SLC9C1: variants seen among roughly 807,000 people sequenced by gnomAD.
SLC9C1 encodes sodium/hydrogen exchanger 10.
SLC9C1 carries 97 observed loss-of-function variants against 140.9 expected under a neutral mutation model. That is an observed-to-expected ratio of 0.69 (90% confidence interval 0.58 to 0.82). The LOEUF (loss-of-function observed/expected upper bound fraction) is 0.82, where lower values mean the gene tolerates loss of function less well. SLC9C1 is among the 40% of genes least tolerant of loss of function. SLC9C1 has a pLI of 0.00. For missense variants in SLC9C1, 1,340 were observed against 1,389.3 expected, an observed-to-expected ratio of 0.96 and a Z score of 0.56; for synonymous variants, 440 against 442.6, an observed-to-expected ratio of 0.99 and a Z score of 0.07.
chr3:112,211,752 C>T lies in SLC9C1; in HGVS notation c.1791-3379G>A, dbSNP rs1420859549. On this transcript the variant is annotated intron_variant, in intron 15 of 28. Transcript: ENST00000305815. ...GCCCACTGCAGCTCAAGGAGGCCTG[C>T]CTTCCTCTGTAGACTCCACCTCTGG... Among the ~76,000 whole-genome samples the T allele has an allele frequency of 2.6e-5, 4 of 152,198 alleles. No individual in the cohort carries two copies. In the East Asian group the frequency reaches 7.7e-4, roughly 29 times the overall value.
intron 12 of SLC9C1, among the ~76,000 whole-genome samples, chr3:112,232,444 T>C (rs186752021): frequency 3.3e-5 from 5 of 152,266 alleles, no homozygotes; most frequent in African/African-American, 1.2e-4. Flanking sequence ...AGAGAAATCT[T>C]TGGATATGAC....
chr3:112,150,828 ATATATATATATATT>A (rs1560003536), intron 28 of SLC9C1, among the ~76,000 whole-genome samples: 21,454 of 62,154 alleles, frequency 0.35, 2,161 homozygotes, highest in East Asian at 0.5. Flanking sequence ...ATACATATAT[ATATATATATATATT>A]TTTTTTTTTT....
chr3:112,210,644 A>T (rs1420725787), intron 15 of SLC9C1, among the ~76,000 whole-genome samples: 1 of 152,246 alleles, frequency 6.6e-6, no homozygotes, highest in Non-Finnish European at 1.5e-5. Context: ...TAACTTATGT[A>T]TATGAAATTT....
chr3:112,203,924 G>A (rs551146755), intron 17 of SLC9C1, among the ~76,000 whole-genome samples: 1 of 151,896 alleles, frequency 6.6e-6, no homozygotes, highest in Non-Finnish European at 1.5e-5. Flanking sequence ...AACATTACAT[G>A]GAGGTTAACT....
chr3:112,288,336 T>C (rs1411099315), intron 1 of SLC9C1, among the ~76,000 whole-genome samples: 2 of 152,166 alleles, frequency 1.3e-5, no homozygotes, highest in Non-Finnish European at 2.9e-5. Context: ...CAGGTTTTAT[T>C]TGCATTGTTG....
At chr3:112,167,142 AACAGTTTCCAAAT>A in intron 26 of SLC9C1, 66 bp downstream of exon 26, 1 of 1,509,142 alleles carries the variant, frequency 6.6e-7, no homozygotes, top group South Asian at 1.2e-5. Context: ...GAATGCAAAC[AACAGTTTCCAAAT>A]ACACATATGG....
At chr3:112,153,308 T>G (rs530517135) in intron 27 of SLC9C1, among the ~76,000 whole-genome samples, 45 of 151,974 alleles carry the variant, frequency 3.0e-4, no homozygotes, top group African/African-American at 1.0e-3. Flanking sequence ...ATGAAAAACA[T>G]TAGCTTTCCT....
intron 10 of SLC9C1, among the ~76,000 whole-genome samples, chr3:112,256,227 T>C (rs766918158): frequency 6.6e-6 from 1 of 152,172 alleles, no homozygotes; most frequent in Non-Finnish European, 1.5e-5. Context: ...AATCATTCTA[T>C]GAGGCTAGCA....
Position 112,167,270 on chromosome 3 carries a change from A to G in SLC9C1, c.3315T>C (p.Ile1105=). The G allele has an allele frequency of 6.2e-7, 1 of 1,609,812 alleles. No homozygotes were observed. Among genetic ancestry groups the G allele is most frequent in the Non-Finnish European group, 8.5e-7 (1 of 1,178,202 alleles). The change falls in exon 26 of 29, where the codon ATT becomes ATC. Residue 1105 remains isoleucine (I), a synonymous_variant. Coordinates refer to ENST00000305815, the MANE Select transcript of SLC9C1 (RefSeq NM_183061.3). ...TTTTATGTTTAGGAACAAACTTTCT[A>G]ATATTCCTTCTGAATGTTTTCATGT... ...PINMKTFRRN[I]RKFVPKHKSY...
At chr3:112,280,912 C>G (rs1051621845) in intron 2 of SLC9C1, 129 bp from the exon 3 acceptor site, 1 of 712,048 alleles carries the variant, frequency 1.4e-6, no homozygotes, top group Non-Finnish European at 2.4e-6. Context: ...TTAAAATCCT[C>G]CCTCACACTT....
At position 112,270,007 on chromosome 3, in the gene SLC9C1, T is replaced by C. The variant is rs371784120; in HGVS notation, c.684A>G (p.Lys228=). ...ASFLFGILSS[K]LIQFWMSTVF... ...CAGTTGACATCCAAAATTGAATCAGTTTTGAACTTAGAATTCCAAACAAGA... is the reference window on the plus strand; with the variant it reads ...CAGTTGACATCCAAAATTGAATCAGCTTTGAACTTAGAATTCCAAACAAGA... Residue 228 remains lysine (K), a synonymous_variant, in exon 7 of 29, where the codon AAA becomes AAG. Transcript: ENST00000305815. 6.4e-5 allele frequency: 103 copies of C among 1,599,898 alleles called. No individual in the cohort carries two copies. The highest frequency in any genetic ancestry group is 5.0e-4 in the Middle Eastern group (3 of 6,048).
rs60239867 is a variant in SLC9C1, at chr3:112,233,075, T to TATATA, written c.1447-1590_1447-1589insTATAT. On this transcript the variant is annotated intron_variant, in intron 12 of 28. Coordinates refer to ENST00000305815, the MANE Select transcript of SLC9C1 (RefSeq NM_183061.3). Reference sequence around the variant, plus strand: ...CATATATATATATATATATTATATTTTTTTTTTTTTTAAGAAAGGGTATCT... The same window carrying TATATA: ...CATATATATATATATATATTATATTTATATATTTTTTTTTTTAAGAAAGGGTATCT... Among the ~76,000 whole-genome samples the TATATA allele has an allele frequency of 3.6e-3, 511 of 141,460 alleles. 4 individuals are homozygous for TATATA. The highest frequency in any genetic ancestry group is 0.013 in the African/African-American group (492 of 37,642). 92.8% of individuals were successfully genotyped at this position (141,460 alleles called of 152,430 possible).
chr3:112,193,674 G>A (rs1056440171), intron 20 of SLC9C1, among the ~76,000 whole-genome samples: 2 of 152,132 alleles, frequency 1.3e-5, no homozygotes, highest in African/African-American at 4.8e-5. Flanking sequence ...GGTGGGGACA[G>A]GGCTGTTTTT....
At chr3:112,293,474 T>C (rs2080749538) in intron 1 of SLC9C1, among the ~76,000 whole-genome samples, 1 of 152,174 alleles carries the variant, frequency 6.6e-6, no homozygotes. Flanking sequence ...GTCTTCTTCC[T>C]TCAGATTGGA....
intron 13 of SLC9C1, among the ~76,000 whole-genome samples, chr3:112,229,638 T>A (rs1468304866): frequency 6.6e-6 from 1 of 151,904 alleles, no homozygotes; most frequent in Admixed American, 6.6e-5. Flanking sequence ...TGCGTGTATG[T>A]GTGTGTGTAT....
chr3:112,146,804 T>C (rs921379690), intron 28 of SLC9C1, among the ~76,000 whole-genome samples: 4 of 152,198 alleles, frequency 2.6e-5, no homozygotes, highest in Non-Finnish European at 5.9e-5. Flanking sequence ...TGGCGTATTC[T>C]GTAGATGTCT....
At chr3:112,248,909 C>G (rs1368693963) in intron 10 of SLC9C1, among the ~76,000 whole-genome samples, 1 of 152,118 alleles carries the variant, frequency 6.6e-6, no homozygotes, top group Non-Finnish European at 1.5e-5. Context: ...GATAGTTTTA[C>G]TTAATCTCTT....
chr3:112,168,618 G>T (rs890655806), intron 25 of SLC9C1, among the ~76,000 whole-genome samples: 3 of 152,114 alleles, frequency 2.0e-5, no homozygotes, highest in Non-Finnish European at 2.9e-5. Flanking sequence ...TAACCAAAAT[G>T]TCCAGCTTGG....
At chr3:112,256,448 A>G (rs769565946) in intron 10 of SLC9C1, among the ~76,000 whole-genome samples, 1 of 152,114 alleles carries the variant, frequency 6.6e-6, no homozygotes, top group Non-Finnish European at 1.5e-5. Context: ...GTTATTGATC[A>G]GAACAGAAGT....
Sources: allele counts gnomAD v4.1 joint callset (sites outside exome capture counted in the v4.1 genomes callset), GRCh38; gene constraint gnomAD v4.1.1; transcripts MANE v1.5; gene names NCBI Gene and HGNC (gene_info 2026-07-23, HGNC 2026-07-21).